Variants in RIN2 observed in about 807,000 individuals in gnomAD.
The protein encoded by RIN2 is Ras and Rab interactor 2.
In RIN2, 36 loss-of-function variants were observed where a neutral mutation model predicts 78.0. The observed-to-expected ratio is 0.46, with a 90% CI of 0.35 to 0.61. The LOEUF is 0.61. Among genes scored for constraint, RIN2 ranks in the 20% least tolerant of loss-of-function variants. The pLI is 0.00. For missense variants in RIN2, 1,087 were observed against 1,159.7 expected (o/e 0.94, Z 0.91); for synonymous variants, 466 against 466.8 (o/e 1.00, Z 0.02).
chr20:20,000,792 A>G lies in RIN2; in HGVS notation c.2544A>G (p.Ala848=). The stretch of plus-strand genomic sequence containing the variant: ...TTGACGAGACATGGCAGCAGCTGGC[A>G]GAGGACACTTACCCTCAAAAAATCA... The part of the protein sequence containing the change: ...LFVDETWQQL[A]EDTYPQKIKA... Residue 848 remains alanine (A), a synonymous_variant, in exon 13 of 13, where the codon GCA becomes GCG. Transcript: ENST00000255006. 6.2e-7 allele frequency: 1 copy of G among 1,614,012 alleles called. No homozygotes were observed.
intron 2 of RIN2, among the ~76,000 whole-genome samples, chr20:19,869,471 G>A (rs989167058): frequency 3.3e-5 from 5 of 152,226 alleles, no homozygotes; most frequent in Non-Finnish European, 7.3e-5. Context: ...CAAACCAAGA[G>A]ATAGAAAAAG....
chr20:20,002,250 ATGTTAT>A lies in RIN2; in HGVS notation c.*1318_*1323del, dbSNP rs2043159045. The A allele has an allele frequency of 6.6e-6, 1 of 152,482 alleles. No individual in the cohort carries two copies. Among genetic ancestry groups the A allele is most frequent in the South Asian group, 2.1e-4 (1 of 4,836 alleles). 9.4% of individuals were successfully genotyped at this position (152,482 alleles called of 1,614,324 possible). ...ACGTAACACAGGTAGTTACAAAAAC[ATGTTAT>A]TGTACTGTGTAAAGATGCATAGTCA... On this transcript the variant is annotated 3_prime_UTR_variant, in exon 13 of 13. Transcript: ENST00000255006.
At chr20:19,802,738 C>T (rs1287221380) in intron 2 of RIN2, among the ~76,000 whole-genome samples, 4 of 152,110 alleles carry the variant, frequency 2.6e-5, no homozygotes, top group South Asian at 2.1e-4. Context: ...GTCCTGAAGG[C>T]CCCCTCAAAA....
chr20:19,973,142 C>T (rs940251439), intron 8 of RIN2, among the ~76,000 whole-genome samples: 6 of 152,126 alleles, frequency 3.9e-5, no homozygotes, highest in African/African-American at 1.4e-4. Flanking sequence ...ATTCTCATAA[C>T]CAAGTTCCAA....
rs768100483 is a variant in RIN2, at chr20:19,996,848, C to T, written c.2364+6C>T. 6 of 1,575,496 alleles carry T rather than the reference C, an allele frequency of 3.8e-6. No individual in the cohort carries two copies. Among genetic ancestry groups the T allele is most frequent in the South Asian group, 1.2e-5 (1 of 86,342 alleles). On this transcript the variant is annotated splice_donor_region_variant and intron_variant, in intron 12 of 12. Transcript: ENST00000255006. ...CCTCTGTGGACGACTTCCAGGTGTG[C>T]AGCTGGCCACCCCTTTGCTTCCTTC...
chr20:19,909,890 T>A (rs1336759683), intron 3 of RIN2, among the ~76,000 whole-genome samples: 1 of 152,122 alleles, frequency 6.6e-6, no homozygotes, highest in Non-Finnish European at 1.5e-5. Flanking sequence ...ATGGGGACCA[T>A]GATGCGGCCA....
intron 7 of RIN2, among the ~76,000 whole-genome samples, chr20:19,965,235 C>T (rs1343495593): frequency 1.3e-5 from 2 of 152,156 alleles, no homozygotes; most frequent in African/African-American, 2.4e-5. Context: ...ATCCCAACCC[C>T]TCCAAACATA....
intron 3 of RIN2, among the ~76,000 whole-genome samples, chr20:19,929,569 C>T (rs569098916): frequency 3.4e-4 from 52 of 152,152 alleles, no homozygotes; most frequent in Admixed American, 2.0e-3. Flanking sequence ...ATCATGTTGG[C>T]GAGGCTGGTT....
chr20:19,945,201 TCTGAC>T (rs2041039678), intron 4 of RIN2, among the ~76,000 whole-genome samples: 1 of 152,192 alleles, frequency 6.6e-6, no homozygotes, highest in Admixed American at 6.5e-5. Context: ...CTGATTCAAG[TCTGAC>T]TTGGAGTCCT....
chr20:19,796,805 A>G (rs922360087), intron 1 of RIN2, among the ~76,000 whole-genome samples: 2 of 152,216 alleles, frequency 1.3e-5, no homozygotes, highest in African/African-American at 4.8e-5. Flanking sequence ...AGTTCTGCCA[A>G]GTAATTTCAG....
At chr20:19,803,079 A>T (rs2035296850) in intron 2 of RIN2, among the ~76,000 whole-genome samples, 1 of 152,196 alleles carries the variant, frequency 6.6e-6, no homozygotes, top group African/African-American at 2.4e-5. Flanking sequence ...CTGATTAGTG[A>T]AAAAGGCCAG....
chr20:19,886,493 G>A (rs1171138962), intron 2 of RIN2: 4 of 534,532 alleles, frequency 7.5e-6, no homozygotes, highest in Admixed American at 3.4e-5. Flanking sequence ...CATTAGCGCC[G>A]ACCAACGCGA....
At chr20:19,845,764 G>A (rs189003529) in intron 2 of RIN2, among the ~76,000 whole-genome samples, 329 of 152,156 alleles carry the variant, frequency 2.2e-3, no homozygotes, top group African/African-American at 7.6e-3. Flanking sequence ...GGCTTTTGTT[G>A]CCATTGCTTT....
At chr20:19,979,334 GAGAC>G (rs2042375393) in intron 9 of RIN2, among the ~76,000 whole-genome samples, 1 of 152,192 alleles carries the variant, frequency 6.6e-6, no homozygotes, top group South Asian at 2.1e-4. Context: ...TAGCAGAAAA[GAGAC>G]AGTACTGTGC....
intron 3 of RIN2, chr20:19,934,512 C>T: frequency 1.0e-6 from 1 of 985,284 alleles, no homozygotes; most frequent in Non-Finnish European, 1.2e-6. Flanking sequence ...CCCACTCATC[C>T]ACCCCAGCCT....
At chr20:19,834,354 G>A (rs1188896190) in intron 2 of RIN2, among the ~76,000 whole-genome samples, 1 of 152,184 alleles carries the variant, frequency 6.6e-6, no homozygotes, top group Admixed American at 6.5e-5. Flanking sequence ...ACAATAGCAG[G>A]GAGAAGGGAT....
intron 1 of RIN2, among the ~76,000 whole-genome samples, chr20:19,789,676 A>T (rs2034827440): frequency 6.6e-6 from 1 of 152,178 alleles, no homozygotes. Context: ...ATGGGGTCGT[A>T]GGACTCTCAG....
At chr20:19,869,170 G>C (rs189505550) in intron 2 of RIN2, among the ~76,000 whole-genome samples, 42 of 152,168 alleles carry the variant, frequency 2.8e-4, no homozygotes, top group African/African-American at 9.9e-4. Flanking sequence ...CACGCAGGGT[G>C]GATGAGTCTG....
chr20:19,840,903 A>G (rs1050227454), intron 2 of RIN2, among the ~76,000 whole-genome samples: 4 of 152,142 alleles, frequency 2.6e-5, no homozygotes, highest in African/African-American at 9.7e-5. Context: ...TTGTTGAGAG[A>G]TGAGACATAA....
Sources: allele counts gnomAD v4.1 joint callset (sites outside exome capture counted in the v4.1 genomes callset), GRCh38; gene constraint gnomAD v4.1.1; transcripts MANE v1.5; gene names NCBI Gene and HGNC (gene_info 2026-07-23, HGNC 2026-07-21).